The following MAF variants were observed in gnomAD, a reference collection of about 807,000 sequenced individuals.
MAF encodes MAF bZIP transcription factor, also known as transcription factor Maf.
A neutral mutation model predicts 22.0 loss-of-function variants in MAF; 10 were observed. The ratio of observed to expected loss-of-function variants is 0.45; its 90% CI spans 0.28 to 0.77. The LOEUF (loss-of-function observed/expected upper bound fraction) is 0.77. MAF is among the 30% of genes least tolerant of loss of function. The pLI is 0.12. For synonymous variants in MAF, 337 were observed against 255.8 expected (o/e 1.32, Z -3.03); for missense variants, 544 against 548.4 (o/e 0.99, Z 0.08).
the MAF span, among the ~76,000 whole-genome samples, chr16:79,288,090 G>A: frequency 6.6e-6 from 1 of 152,124 alleles, no homozygotes; most frequent in Non-Finnish European, 1.5e-5. Context: ...GGAAGGCATT[G>A]GAGGGAGGGC....
the MAF span, among the ~76,000 whole-genome samples, chr16:79,256,339 A>G: frequency 6.1e-3 from 935 of 152,126 alleles, 13 homozygotes; most frequent in African/African-American, 0.021. Flanking sequence ...GGATAAATCG[A>G]GCAGGTAGAT....
the MAF span, among the ~76,000 whole-genome samples, chr16:79,266,386 G>C: frequency 6.6e-6 from 1 of 152,166 alleles, no homozygotes; most frequent in Non-Finnish European, 1.5e-5. Flanking sequence ...TTGAATCCAA[G>C]CCTTTAATAG....
chr16:79,322,815 G>C, the MAF span, among the ~76,000 whole-genome samples: 1 of 151,892 alleles, frequency 6.6e-6, no homozygotes, highest in African/African-American at 2.4e-5. Flanking sequence ...TCAGCTCACC[G>C]GACCCCATAG....
At chr16:79,390,272 G>C in the MAF span, among the ~76,000 whole-genome samples, 1 of 152,060 alleles carries the variant, frequency 6.6e-6, no homozygotes, top group Non-Finnish European at 1.5e-5. Context: ...ATTACTGTCT[G>C]TGGATTATTA....
At chr16:79,554,815 G>T in the MAF span, among the ~76,000 whole-genome samples, 1 of 152,148 alleles carries the variant, frequency 6.6e-6, no homozygotes, top group Non-Finnish European at 1.5e-5. Flanking sequence ...GTTTCTCATG[G>T]CCTCTCTGTC....
chr16:79,317,850 C>T, the MAF span, among the ~76,000 whole-genome samples: 2 of 152,172 alleles, frequency 1.3e-5, no homozygotes, highest in Non-Finnish European at 1.5e-5. Context: ...TTTCTAGCCC[C>T]CAGCCCCTGC....
the MAF span, among the ~76,000 whole-genome samples, chr16:79,414,679 G>A: frequency 4.6e-5 from 7 of 152,230 alleles, no homozygotes; most frequent in Admixed American, 6.5e-5. Context: ...AAGTCTCAAA[G>A]AGATGGTTTG....
chr16:79,386,699 G>A, the MAF span, among the ~76,000 whole-genome samples: 3 of 152,130 alleles, frequency 2.0e-5, no homozygotes, highest in Non-Finnish European at 4.4e-5. Flanking sequence ...GTAGGGATAG[G>A]AAACAAAATG....
At chr16:79,243,642 G>C in the MAF span, among the ~76,000 whole-genome samples, 1 of 152,018 alleles carries the variant, frequency 6.6e-6, no homozygotes, top group Non-Finnish European at 1.5e-5. Flanking sequence ...GAGGTACAAA[G>C]AGGAGCTGGT....
chr16:79,529,174 C>T, the MAF span, among the ~76,000 whole-genome samples: 12 of 152,186 alleles, frequency 7.9e-5, no homozygotes, highest in Admixed American at 2.6e-4. Context: ...CACTGGAACT[C>T]ATGGTCCCAG....
chr16:79,502,962 A>G, the MAF span, among the ~76,000 whole-genome samples: 5 of 151,684 alleles, frequency 3.3e-5, no homozygotes, highest in African/African-American at 9.7e-5. Context: ...AGCCTCAATA[A>G]TGTGGATTAA....
chr16:79,538,554 T>G, the MAF span, among the ~76,000 whole-genome samples: 10,107 of 152,210 alleles, frequency 0.066, 523 homozygotes, highest in Non-Finnish European at 0.088. Flanking sequence ...ATTTACAAAC[T>G]AAATATTATA....
chr16:79,224,533 T>G, the MAF span, among the ~76,000 whole-genome samples: 6 of 152,010 alleles, frequency 3.9e-5, no homozygotes, highest in African/African-American at 1.2e-4. Context: ...GAGAAAGAAA[T>G]AAAGGGTATT....
chr16:79,561,017 C>T, the MAF span, among the ~76,000 whole-genome samples: 1 of 152,176 alleles, frequency 6.6e-6, no homozygotes, highest in Non-Finnish European at 1.5e-5. Flanking sequence ...GCTGTCCTGC[C>T]GTCTACAGCT....
At chr16:79,542,793 G>C in the MAF span, among the ~76,000 whole-genome samples, 3 of 152,154 alleles carry the variant, frequency 2.0e-5, no homozygotes, top group Non-Finnish European at 4.4e-5. Context: ...TCCTGGCCTT[G>C]GTTAATCTTC....
the MAF span, among the ~76,000 whole-genome samples, chr16:79,574,888 T>C: frequency 6.6e-6 from 1 of 152,080 alleles, no homozygotes; most frequent in Non-Finnish European, 1.5e-5. Flanking sequence ...ACATGCTGAG[T>C]TGTAAAACTC....
At chr16:79,529,344 C>T in the MAF span, among the ~76,000 whole-genome samples, 1 of 152,180 alleles carries the variant, frequency 6.6e-6, no homozygotes, top group Admixed American at 6.5e-5. Flanking sequence ...TGTAGCTATT[C>T]AGAGTTTCAG....
chr16:79,316,535 T>C, the MAF span, among the ~76,000 whole-genome samples: 2 of 152,214 alleles, frequency 1.3e-5, no homozygotes, highest in Non-Finnish European at 1.5e-5. Flanking sequence ...CTTCTTTGAA[T>C]TGCTAAAGCA....
the MAF span, among the ~76,000 whole-genome samples, chr16:79,425,454 T>C: frequency 6.6e-6 from 1 of 152,334 alleles, no homozygotes; most frequent in South Asian, 2.1e-4. Context: ...AAACTCAGTG[T>C]TCAGGGCAGG....
Sources: gnomAD v4.1 joint callset for allele counts (sites outside exome capture counted in the v4.1 genomes callset) on GRCh38, gnomAD v4.1.1 for gene constraint, MANE v1.5 for transcripts, NCBI Gene and HGNC (gene_info 2026-07-23, HGNC 2026-07-21) for gene names.